The following F13A1 variants were observed in gnomAD, a reference collection of about 807,000 sequenced individuals.
The protein encoded by F13A1 is coagulation factor XIII A chain.
A neutral mutation model predicts 80.1 loss-of-function variants in F13A1; 47 were observed. That is an observed-to-expected ratio of 0.59 (90% CI 0.46 to 0.75). The LOEUF is 0.75. F13A1 is among the 30% of genes least tolerant of loss of function. The pLI, the probability that F13A1 is intolerant of heterozygous loss-of-function variation, is 0.00. For synonymous variants in F13A1, 349 were observed against 344.9 expected, an observed-to-expected ratio of 1.01 and a Z score of -0.13; for missense variants, 817 against 930.4, an observed-to-expected ratio of 0.88 and a Z score of 1.59.
intron 6 of F13A1, among the ~76,000 whole-genome samples, chr6:6,227,237 TAGA>T (rs1757288990): frequency 6.6e-6 from 1 of 152,244 alleles, no homozygotes; most frequent in African/African-American, 2.4e-5. Context: ...GAGTGTTGTC[TAGA>T]AGATCACTAT....
Position 6,310,836 on chromosome 6 carries a change from G to GGCAT in F13A1, c.131-5301_131-5298dup, listed in dbSNP as rs1758579573. Among the ~76,000 whole-genome samples the GGCAT allele has an allele frequency of 2.0e-5, 3 of 152,124 alleles. No individual in the cohort carries two copies. In the South Asian group the frequency reaches 6.2e-4, roughly 32 times the overall value. On this transcript the variant is annotated intron_variant, in intron 2 of 14. Transcript: ENST00000264870. ...CATTAAGTAGTCAGGTATCTGAGAAGGCATGGTGTGAGGCTGGAATCTGAG... is the reference window on the plus strand; with the variant it reads ...CATTAAGTAGTCAGGTATCTGAGAAGGCATGCATGGTGTGAGGCTGGAATCTGAG...
chr6:6,307,549 A>C (rs551051353), intron 2 of F13A1, among the ~76,000 whole-genome samples: 20 of 152,258 alleles, frequency 1.3e-4, no homozygotes, highest in African/African-American at 4.8e-4. Context: ...AGGGGCTTTA[A>C]AGTTTTTTTT....
chr6:6,307,900 C>G (rs931556492), intron 2 of F13A1, among the ~76,000 whole-genome samples: 1 of 151,994 alleles, frequency 6.6e-6, no homozygotes. Flanking sequence ...CTCGTTCTGA[C>G]TTCTAGATAA....
intron 3 of F13A1, among the ~76,000 whole-genome samples, chr6:6,284,920 T>A (rs1164391505): frequency 3.3e-5 from 5 of 152,182 alleles, no homozygotes; most frequent in Non-Finnish European, 7.3e-5. Flanking sequence ...GTCACACATT[T>A]CTGGAAGGCA....
chr6:6,184,937 G>A (rs986348657), intron 10 of F13A1, among the ~76,000 whole-genome samples: 12 of 152,002 alleles, frequency 7.9e-5, no homozygotes, highest in Non-Finnish European at 1.2e-4. Flanking sequence ...TTTTGGTTTC[G>A]GCCTGTAGTG....
intron 2 of F13A1, among the ~76,000 whole-genome samples, chr6:6,313,197 G>A (rs1447334593): frequency 6.6e-6 from 1 of 151,256 alleles, no homozygotes; most frequent in Non-Finnish European, 1.5e-5. Flanking sequence ...TCCAGACTCC[G>A]TTTGCCACAA....
At chr6:6,279,198 T>G (rs746725835) in intron 3 of F13A1, among the ~76,000 whole-genome samples, 11 of 152,148 alleles carry the variant, frequency 7.2e-5, no homozygotes, top group Non-Finnish European at 1.3e-4. Context: ...AAGCACAAAG[T>G]TCATCTACAT....
At chr6:6,225,811 C>G (rs961825045) in intron 6 of F13A1, among the ~76,000 whole-genome samples, 4 of 152,140 alleles carry the variant, frequency 2.6e-5, no homozygotes, top group African/African-American at 4.8e-5. Context: ...CCCAGAGCTT[C>G]TTTTTCCCTT....
At chr6:6,199,939 C>T (rs1761362746) in intron 8 of F13A1, among the ~76,000 whole-genome samples, 1 of 152,106 alleles carries the variant, frequency 6.6e-6, no homozygotes, top group Non-Finnish European at 1.5e-5. Flanking sequence ...ATGTGAGGGA[C>T]TCGGATGAGT....
chr6:6,315,693 C>T (rs1403422940), intron 2 of F13A1, among the ~76,000 whole-genome samples: 1 of 152,070 alleles, frequency 6.6e-6, no homozygotes, highest in Non-Finnish European at 1.5e-5. Context: ...TCTTGCCTCT[C>T]TGCATTTCTC....
chr6:6,309,832 G>A (rs1583125654), intron 2 of F13A1, among the ~76,000 whole-genome samples: 2 of 152,252 alleles, frequency 1.3e-5, no homozygotes, highest in Admixed American at 1.3e-4. Flanking sequence ...GGGGTTCAAG[G>A]CACTGCTCCT....
intron 3 of F13A1, among the ~76,000 whole-genome samples, chr6:6,303,337 A>T (rs994903240): frequency 1.3e-5 from 2 of 152,196 alleles, no homozygotes; most frequent in Non-Finnish European, 2.9e-5. Flanking sequence ...TCAAAACTCC[A>T]CTGGGATTCT....
chr6:6,293,517 AC>A (rs1244460456), intron 3 of F13A1, among the ~76,000 whole-genome samples: 2 of 150,722 alleles, frequency 1.3e-5, no homozygotes, highest in African/African-American at 4.9e-5. Context: ...ATTCATTAAC[AC>A]CTCCCACCTA....
intron 6 of F13A1, among the ~76,000 whole-genome samples, chr6:6,230,803 T>C (rs1434174376): frequency 6.6e-6 from 1 of 152,132 alleles, no homozygotes; most frequent in Non-Finnish European, 1.5e-5. Context: ...ACTCCAGAGC[T>C]GGGTAGACTT....
At chr6:6,295,244 C>A (rs969308494) in intron 3 of F13A1, among the ~76,000 whole-genome samples, 3 of 147,872 alleles carry the variant, frequency 2.0e-5, no homozygotes, top group Admixed American at 2.0e-4. Context: ...ATTTATAGTC[C>A]TTTGGGTATA....
At chr6:6,206,138 A>G (rs559448755) in intron 8 of F13A1, among the ~76,000 whole-genome samples, 39 of 152,334 alleles carry the variant, frequency 2.6e-4, no homozygotes, top group African/African-American at 9.4e-4. Context: ...ATTCCAACCA[A>G]TAGACCCAGT....
intron 4 of F13A1, among the ~76,000 whole-genome samples, chr6:6,263,901 A>G (rs368086176): frequency 1.7e-3 from 266 of 152,280 alleles, no homozygotes; most frequent in African/African-American, 6.2e-3. Flanking sequence ...CACTGGTACC[A>G]CCATGTTTAG....
chr6:6,190,169 A>G, intron 10 of F13A1, among the ~76,000 whole-genome samples: 1 of 151,930 alleles, frequency 6.6e-6, no homozygotes, highest in Non-Finnish European at 1.5e-5. Context: ...TTTGGTTTGA[A>G]TGTCCTCCCG....
intron 2 of F13A1, among the ~76,000 whole-genome samples, chr6:6,315,002 C>T (rs774662405): frequency 6.6e-6 from 1 of 152,148 alleles, no homozygotes; most frequent in Non-Finnish European, 1.5e-5. Context: ...AGGTATAAGA[C>T]CCCATTAGCC....
Sources: gnomAD v4.1 joint callset for allele counts (sites outside exome capture counted in the v4.1 genomes callset) on GRCh38, gnomAD v4.1.1 for gene constraint, MANE v1.5 for transcripts, NCBI Gene and HGNC (gene_info 2026-07-23, HGNC 2026-07-21) for gene names.